The following EPHA2 variants were observed in gnomAD, a reference collection of about 807,000 sequenced individuals.
EPHA2 encodes the protein ephrin type-A receptor 2.
Under a neutral mutation model 104.9 loss-of-function variants are expected in EPHA2, and 54 were observed. That is an observed-to-expected ratio of 0.51 (90% CI 0.41 to 0.65). The LOEUF is 0.65. Among genes scored for constraint, EPHA2 ranks in the 30% least tolerant of loss-of-function variants. The probability of loss-of-function intolerance (pLI) is 0.00; values close to 1 mark genes in which losing one functional copy is unlikely to be tolerated. For missense variants in EPHA2, 1,117 were observed against 1,369.5 expected, an observed-to-expected ratio of 0.82 and a Z score of 2.91; for synonymous variants, 560 against 559.1, an observed-to-expected ratio of 1.00 and a Z score of -0.02.
rs1244855495 is a variant in EPHA2, at chr1:16,133,240, C to T, written c.1993G>A (p.Gly665Ser). ...TGGTGGCTGAACTGGCCCATGATGC[C>T]GGCCTCGCCGAGGAAGTCCACTCGC... The part of the protein sequence containing the change: ...KQRVDFLGEA[G>S]IMGQFSHHNI... Residue 665 changes from glycine (G) to serine (S), a missense_variant, in exon 11 of 17, where the codon GGC becomes AGC. This residue lies in a region of EPHA2 where 340 missense variants were observed against 480.5 expected (regional missense o/e 0.71). Coordinates refer to ENST00000358432, the MANE Select transcript of EPHA2 (RefSeq NM_004431.5). The T allele has an allele frequency of 6.8e-6, 11 of 1,613,828 alleles. No individual in the cohort carries two copies. Among genetic ancestry groups the T allele is most frequent in the East Asian group, 2.2e-5 (1 of 44,894 alleles).
chr1:16,137,106 C>T lies in EPHA2; in HGVS notation c.1312+747G>A, dbSNP rs147527339. 2.7e-3 allele frequency among the ~76,000 whole-genome samples: 409 copies of T among 152,108 alleles called. 3 individuals carry two copies. Among genetic ancestry groups the T allele is most frequent in the Non-Finnish European group, 5.0e-3 (342 of 67,990 alleles). On this transcript the variant is annotated intron_variant, in intron 5 of 16. Transcript: ENST00000358432. ...TGAGCCACCGCGCCCAGTCTCAATT[C>T]TCAATTATTATCCCACTTTACAGGG...
At position 16,148,422 on chromosome 1, in the gene EPHA2, C is replaced by A. The variant is rs1458436725; in HGVS notation, c.779G>T (p.Cys260Phe). The A allele has an allele frequency of 6.2e-7, 1 of 1,613,530 alleles. No individual in the cohort carries two copies. The highest frequency in any genetic ancestry group is 8.5e-7 in the Non-Finnish European group (1 of 1,180,030). The part of the protein sequence containing the change: ...DGEWLVPIGQ[C>F]LCQAGYEKVE... ...CTTCTCGTAGCCTGCCTGGCACAGG[C>A]ACTGCCCAATGGGCACCAGCCACTC... is the stretch of plus-strand genomic sequence containing the variant. The change falls in exon 3 of 17, where the codon TGC (cysteine) becomes TTC (phenylalanine). Residue 260 changes from cysteine (C) to phenylalanine (F), a missense_variant. Cys to Phe is a radical substitution (Grantham distance 205). Coordinates refer to ENST00000358432, the MANE Select transcript of EPHA2 (RefSeq NM_004431.5). This position sits in a 1 kb window ranked among gnomAD's most constrained non-coding sequence, Gnocchi z 4.9.
intron 1 of EPHA2, among the ~76,000 whole-genome samples, chr1:16,152,886 C>A (rs1201271800): frequency 6.6e-6 from 1 of 152,200 alleles, no homozygotes; most frequent in Non-Finnish European, 1.5e-5. Flanking sequence ...ACCCCGGCCC[C>A]CTCCCAGGGA....
chr1:16,156,069 TG>T (rs1408276474), upstream of EPHA2: 2 of 641,176 alleles, frequency 3.1e-6, no homozygotes, highest in Non-Finnish European at 4.7e-6. Context: ...GAGTCCTTAA[TG>T]GAAGTTGGGT....
At chr1:16,147,669 T>C (rs1042629964) in intron 3 of EPHA2, among the ~76,000 whole-genome samples, 2 of 150,640 alleles carry the variant, frequency 1.3e-5, no homozygotes, top group African/African-American at 2.4e-5. Flanking sequence ...TACTATTAAG[T>C]CATTTGATTA....
At chr1:16,143,830 G>A (rs566387753) in intron 3 of EPHA2, among the ~76,000 whole-genome samples, 12 of 152,298 alleles carry the variant, frequency 7.9e-5, no homozygotes, top group East Asian at 7.7e-4. Context: ...GGCAAATGGC[G>A]ACCTATGGGT....
At chr1:16,153,143 C>T in intron 1 of EPHA2, 2 of 983,792 alleles carry the variant, frequency 2.0e-6, no homozygotes, top group Non-Finnish European at 2.4e-6. Flanking sequence ...AAAAAAAAAG[C>T]AAAAAACACC....
chr1:16,135,012 C>T lies in EPHA2; in HGVS notation c.1582+24G>A. On this transcript the variant is annotated intron_variant, in intron 7 of 16. Coordinates refer to ENST00000358432, the MANE Select transcript of EPHA2 (RefSeq NM_004431.5). The surrounding 1 kb of genome is among the most constrained non-coding windows in gnomAD (Gnocchi z 4.3). ...CTTGGTTCTGGGCCCTGGCCTGGTC[C>T]ATGCCCAGGGTCCCCCAACTCACAC... is the stretch of plus-strand genomic sequence containing the variant. 2 of 1,610,090 alleles carry T rather than the reference C, an allele frequency of 1.2e-6. No homozygotes were observed. Among genetic ancestry groups the T allele is most frequent in the Admixed American group, 3.3e-5 (2 of 60,024 alleles).
intron 5 of EPHA2, among the ~76,000 whole-genome samples, chr1:16,136,390 C>T (rs891726238): frequency 1.3e-5 from 2 of 150,768 alleles, no homozygotes; most frequent in African/African-American, 2.4e-5. Flanking sequence ...GAGGCCGAGG[C>T]GGGAGGATTG....
At position 16,156,068 on chromosome 1, in the gene EPHA2, A is replaced by C; in HGVS notation, c.-136T>G. 3.1e-6 allele frequency: 2 copies of C among 640,738 alleles called. No homozygotes were observed. Among genetic ancestry groups the C allele is most frequent in the Admixed American group, 4.4e-5 (1 of 22,974 alleles). The allele number at this position is 640,738 out of a possible 1,614,324, so 39.7% of individuals were successfully genotyped here. On this transcript the variant is annotated 5_prime_UTR_variant, in exon 1 of 17. Transcript: ENST00000358432. The stretch of plus-strand genomic sequence containing the variant: ...CTGCCCCTCCTGCCCCGAGTCCTTA[A>C]TGGAAGTTGGGTGAGAACCGACTCC...
In EPHA2 at chr1:16,132,111, G is replaced by A. The variant is rs1402523078; in HGVS notation, c.2278C>T (p.Leu760=). The A allele has an allele frequency of 8.1e-6, 13 of 1,614,106 alleles. No homozygotes were observed. The Middle Eastern group carries it at 9.9e-4, about 122-fold the overall frequency. Reference sequence around the variant, plus strand: ...GGGTCGTCCTCCAGCACGCGGGACAGGCCAAAGTCAGACACCTTGCAGACC... The same window carrying A: ...GGGTCGTCCTCCAGCACGCGGGACAAGCCAAAGTCAGACACCTTGCAGACC... ...NLVCKVSDFG[L]SRVLEDDPEA... The change falls in exon 13 of 17, where the codon CTG becomes TTG. Residue 760 remains leucine, a synonymous_variant. Transcript: ENST00000358432.
In EPHA2 at chr1:16,133,193, G is replaced by A. The variant is rs760844594; in HGVS notation, c.2040C>T (p.Gly680=). The change falls in exon 11 of 17, where the codon GGC becomes GGT. Residue 680 remains glycine (G), a synonymous_variant. Transcript: ENST00000358432. ...CCCAAGCCTCACATTTGGAGATGAC[G>A]CCCTCTAGGCGGATGATGTTGTGGT... ...FSHHNIIRLE[G]VISKYKPMMI... 5.6e-6 allele frequency: 9 copies of A among 1,613,438 alleles called. No individual in the cohort carries two copies. Among genetic ancestry groups the A allele is most frequent in the Non-Finnish European group, 6.8e-6 (8 of 1,179,858 alleles).
intron 11 of EPHA2, 74 bp downstream of exon 11, chr1:16,133,106 G>T: frequency 6.3e-7 from 1 of 1,590,898 alleles, no homozygotes; most frequent in Non-Finnish European, 8.5e-7. Flanking sequence ...TATAGGGGAG[G>T]TGGGCACAGT....
intron 1 of EPHA2, among the ~76,000 whole-genome samples, chr1:16,151,481 C>T (rs1465727087): frequency 6.6e-6 from 1 of 152,196 alleles, no homozygotes; most frequent in Non-Finnish European, 1.5e-5. Flanking sequence ...ATGTAGCACA[C>T]ACATATGCAC....
intron 1 of EPHA2, among the ~76,000 whole-genome samples, chr1:16,152,543 A>G (rs2025062125): frequency 6.6e-6 from 1 of 152,126 alleles, no homozygotes; most frequent in African/African-American, 2.4e-5. Context: ...TTGTTCAGAC[A>G]TGCCCAGGGC....
intron 3 of EPHA2, among the ~76,000 whole-genome samples, chr1:16,147,694 C>T (rs1477646754): frequency 4.6e-5 from 7 of 150,602 alleles, no homozygotes; most frequent in Admixed American, 1.3e-4. Flanking sequence ...AGCCACCCTA[C>T]GAGATAGACG....
At chr1:16,136,614 C>T (rs1455897341) in intron 5 of EPHA2, among the ~76,000 whole-genome samples, 7 of 139,064 alleles carry the variant, frequency 5.0e-5, no homozygotes, top group East Asian at 2.3e-4. Flanking sequence ...AGCAAAACTC[C>T]GTCTCAAAAA....
At chr1:16,142,286 T>C (rs890385995) in intron 3 of EPHA2, among the ~76,000 whole-genome samples, 3 of 152,234 alleles carry the variant, frequency 2.0e-5, no homozygotes, top group African/African-American at 7.2e-5. Flanking sequence ...GGTGCTAGGA[T>C]GCGATGGTGA....
At position 16,125,146 on chromosome 1, in the gene EPHA2, G is replaced by T; in HGVS notation, c.*69C>A. 2 of 1,416,064 alleles carry T rather than the reference G, an allele frequency of 1.4e-6. No individual in the cohort carries two copies. The highest frequency in any genetic ancestry group is 2.0e-6 in the Non-Finnish European group (2 of 1,011,778). The allele number at this position is 1,416,064 out of a possible 1,614,324, so 87.7% of individuals were successfully genotyped here. ...ATAAAGTCCCCAGTGGCCCAGCATGGCACAGCAGGGAGGCCACTCTGTTTC... is the reference window on the plus strand; with the variant it reads ...ATAAAGTCCCCAGTGGCCCAGCATGTCACAGCAGGGAGGCCACTCTGTTTC... On this transcript the variant is annotated 3_prime_UTR_variant, in exon 17 of 17. Coordinates refer to ENST00000358432, the MANE Select transcript of EPHA2 (RefSeq NM_004431.5). This position sits in a 1 kb window ranked among gnomAD's most constrained non-coding sequence, Gnocchi z 4.9.
Sources: allele counts gnomAD v4.1 joint callset (sites outside exome capture counted in the v4.1 genomes callset), GRCh38; gene constraint gnomAD v4.1.1; regional missense constraint gnomAD v4.1.1; non-coding constraint Gnocchi (gnomAD v3.1); transcripts MANE v1.5; gene names NCBI Gene and HGNC (gene_info 2026-07-23, HGNC 2026-07-21).